Variants in HDAC11 observed in about 807,000 individuals in gnomAD.
HDAC11 encodes histone deacetylase 11.
A neutral mutation model predicts 41.1 loss-of-function variants in HDAC11; 23 were observed. The ratio of observed to expected loss-of-function variants is 0.56; its 90% CI spans 0.40 to 0.79. The LOEUF (loss-of-function observed/expected upper bound fraction) is 0.79. Among genes scored for constraint, HDAC11 ranks in the 30% least tolerant of loss-of-function variants. The pLI is 0.00. For synonymous variants in HDAC11, 187 were observed against 186.6 expected (o/e 1.00, Z -0.02); for missense variants, 402 against 477.3 (o/e 0.84, Z 1.47).
At chr3:13,484,405 G>A (rs991032371) in intron 3 of HDAC11, among the ~76,000 whole-genome samples, 1 of 152,250 alleles carries the variant, frequency 6.6e-6, no homozygotes, top group Non-Finnish European at 1.5e-5. Flanking sequence ...GCCGGTGGTA[G>A]AGTCTGAGGT....
In HDAC11 at chr3:13,505,293, T is replaced by TCTGGAGTTCCCC. The variant is rs1174054152; in HGVS notation, c.*611_*612insTGGAGTTCCCCC. On this transcript the variant is annotated 3_prime_UTR_variant, in exon 10 of 10. Coordinates refer to ENST00000295757, the MANE Select transcript of HDAC11 (RefSeq NM_024827.4). ...CAGGAAGGGGTACAGGTGGGTTCCC[T>TCTGGAGTTCCCC]CATCTGGAGTTCCCCCTCAATAAAG... The TCTGGAGTTCCCC allele has an allele frequency of 6.3e-6, 1 of 158,250 alleles. No individual in the cohort carries two copies. The highest frequency in any genetic ancestry group is 1.4e-5 in the Non-Finnish European group (1 of 71,498). 9.8% of individuals were successfully genotyped at this position (158,250 alleles called of 1,614,324 possible). A position where few individuals can be genotyped will look rare whatever the true frequency, so the allele number is the denominator to read the frequency against.
intron 5 of HDAC11, 32 bp from the exon 6 acceptor site, chr3:13,500,681 T>C: frequency 6.4e-7 from 1 of 1,552,500 alleles, no homozygotes; most frequent in Non-Finnish European, 8.7e-7. Context: ...GGAGCCTGGC[T>C]CTGAGCAGCA....
chr3:13,495,213 T>A (rs1702042484), intron 3 of HDAC11, among the ~76,000 whole-genome samples: 1 of 152,130 alleles, frequency 6.6e-6, no homozygotes, highest in Non-Finnish European at 1.5e-5. Flanking sequence ...AGGGAAGCCC[T>A]TGATCGTCCC....
In HDAC11 at chr3:13,504,512, C is replaced by T; in HGVS notation, c.873C>T (p.Gly291=). 1 of 1,613,464 alleles carries T rather than the reference C, an allele frequency of 6.2e-7. No individual in the cohort carries two copies. Among genetic ancestry groups the T allele is most frequent in the Non-Finnish European group, 8.5e-7 (1 of 1,180,018 alleles). ...AGCTGGTGTTCCGGATGGTCCGTGG[C>T]CGCCGGGTGCCCATCCTTATGGTGA... The part of the protein sequence containing the change: ...RDELVFRMVR[G]RRVPILMVTS... Residue 291 remains glycine (G), a synonymous_variant, in exon 10 of 10, where the codon GGC becomes GGT. Coordinates refer to ENST00000295757, the MANE Select transcript of HDAC11 (RefSeq NM_024827.4).
At chr3:13,484,216 G>A (rs1341701446) in intron 3 of HDAC11, among the ~76,000 whole-genome samples, 1 of 152,070 alleles carries the variant, frequency 6.6e-6, no homozygotes, top group Non-Finnish European at 1.5e-5. Flanking sequence ...TGCCCACCTC[G>A]GCCTCCCAAA....
In HDAC11 at chr3:13,491,909, G is replaced by A. The variant is rs537336547; in HGVS notation, c.253-4827G>A. ...CCAGCAAGTATCTGAAACACTGGAG[G>A]GCTTGTTCCAGCAGATGGCTGGGCC... On this transcript the variant is annotated intron_variant, in intron 3 of 9. Coordinates refer to ENST00000295757, the MANE Select transcript of HDAC11 (RefSeq NM_024827.4). Among the ~76,000 whole-genome samples the A allele has an allele frequency of 9.2e-5, 14 of 152,326 alleles. No homozygotes were observed. In the South Asian group the frequency reaches 2.9e-3, roughly 32 times the overall value.
intron 3 of HDAC11, among the ~76,000 whole-genome samples, chr3:13,489,601 C>T (rs1023490497): frequency 2.0e-5 from 3 of 152,208 alleles, no homozygotes; most frequent in African/African-American, 4.8e-5. Context: ...TGCATTCTTT[C>T]GACAGCCCAG....
intron 3 of HDAC11, 27 bp downstream of exon 3, chr3:13,483,591 G>C: frequency 6.4e-7 from 1 of 1,570,334 alleles, no homozygotes; most frequent in South Asian, 1.1e-5. Flanking sequence ...CTGGGGGGCT[G>C]CGGGCCTGGG....
Position 13,502,202 on chromosome 3 carries a change from G to A in HDAC11, c.552+269G>A, listed in dbSNP as rs1001640523. On this transcript the variant is annotated intron_variant, in intron 7 of 9. Coordinates refer to ENST00000295757, the MANE Select transcript of HDAC11 (RefSeq NM_024827.4). The surrounding 1 kb of genome is among the most constrained non-coding windows in gnomAD (Gnocchi z 4.1). ...AGCCCACTCTGATGGGACTGCTCTCGTGTGCAGAGCTCTGCTGTGGGTCCC... is the reference window on the plus strand; with the variant it reads ...AGCCCACTCTGATGGGACTGCTCTCATGTGCAGAGCTCTGCTGTGGGTCCC... The A allele has an allele frequency of 6.8e-5, 34 of 497,316 alleles. No homozygotes were observed. Among genetic ancestry groups the A allele is most frequent in the South Asian group, 1.7e-4 (6 of 35,448 alleles). The allele number at this position is 497,316 out of a possible 1,614,324, so 30.8% of individuals were successfully genotyped here.
At chr3:13,498,140 G>C (rs1392718044) in intron 4 of HDAC11, among the ~76,000 whole-genome samples, 1 of 152,202 alleles carries the variant, frequency 6.6e-6, no homozygotes, top group Non-Finnish European at 1.5e-5. Context: ...ACAGGCGTGA[G>C]CCACTGCGCC....
intron 3 of HDAC11, among the ~76,000 whole-genome samples, chr3:13,485,634 A>G (rs2597515): frequency 0.57 from 86,125 of 152,022 alleles, 25,782 homozygotes; most frequent in African/African-American, 0.78. Flanking sequence ...ATATAATAAT[A>G]CAAAATAGCT....
intron 1 of HDAC11, 117 bp from the exon 2 acceptor site, chr3:13,481,129 G>A (rs1574880597): frequency 9.0e-7 from 1 of 1,110,224 alleles, no homozygotes; most frequent in Non-Finnish European, 1.3e-6. Flanking sequence ...CTTGTCTGCG[G>A]CTGAGGGGCT....
intron 2 of HDAC11, among the ~76,000 whole-genome samples, chr3:13,483,056 C>T (rs1474825617): frequency 6.7e-6 from 1 of 150,298 alleles, no homozygotes; most frequent in Non-Finnish European, 1.5e-5. Flanking sequence ...TGGCCAAGAC[C>T]CTGTCTCTTT....
At chr3:13,494,132 G>A (rs947026269) in intron 3 of HDAC11, among the ~76,000 whole-genome samples, 1 of 152,220 alleles carries the variant, frequency 6.6e-6, no homozygotes, top group Non-Finnish European at 1.5e-5. Context: ...AGTGCTGTGC[G>A]AGACCCGTGG....
chr3:13,502,102 C>A lies in HDAC11; in HGVS notation c.552+169C>A. On this transcript the variant is annotated intron_variant, in intron 7 of 9. Transcript: ENST00000295757. This position sits in a 1 kb window ranked among gnomAD's most constrained non-coding sequence, Gnocchi z 4.1. ...TCTGTCTTTGTCACTCTGTCCAGGA[C>A]AGCGGGTCCTCCTCATTGCTCCCGA... 1.6e-6 allele frequency: 1 copy of A among 609,234 alleles called. No individual in the cohort carries two copies. The highest frequency in any genetic ancestry group is 2.9e-6 in the Non-Finnish European group (1 of 346,644). The allele number at this position is 609,234 out of a possible 1,614,324, so 37.7% of individuals were successfully genotyped here.
intron 2 of HDAC11, among the ~76,000 whole-genome samples, chr3:13,481,909 T>G (rs1701339028): frequency 6.6e-6 from 1 of 152,118 alleles, no homozygotes; most frequent in Non-Finnish European, 1.5e-5. Flanking sequence ...GTTCAAACAA[T>G]TTTTCTGCCT....
intron 3 of HDAC11, among the ~76,000 whole-genome samples, chr3:13,490,377 CA>C (rs1418480100): frequency 6.6e-6 from 1 of 151,728 alleles, no homozygotes; most frequent in Non-Finnish European, 1.5e-5. Flanking sequence ...CCATTTTTTG[CA>C]AAAAAGGCCA....
rs1213818660 is a variant in HDAC11, at chr3:13,502,763, C to T, written c.553-121C>T. ...CCTTAACAGTCATGAGACCTGCTGCCCCCGAGAGCAGGCCGTGCTGCCCTG... is the reference window on the plus strand; with the variant it reads ...CCTTAACAGTCATGAGACCTGCTGCTCCCGAGAGCAGGCCGTGCTGCCCTG... On this transcript the variant is annotated intron_variant, in intron 7 of 9. Transcript: ENST00000295757. The surrounding 1 kb of genome is among the most constrained non-coding windows in gnomAD (Gnocchi z 4.1). 5 of 699,036 alleles carry T rather than the reference C, an allele frequency of 7.2e-6. No homozygotes were observed. The Middle Eastern group carries it at 1.2e-3, about 171-fold the overall frequency. 43.3% of individuals were successfully genotyped at this position (699,036 alleles called of 1,614,324 possible).
intron 3 of HDAC11, among the ~76,000 whole-genome samples, chr3:13,486,102 T>C (rs1248281407): frequency 6.6e-6 from 1 of 151,862 alleles, no homozygotes; most frequent in East Asian, 1.9e-4. Flanking sequence ...ACCCTGTCTC[T>C]ACTAAAACTA....
Sources: gnomAD v4.1 joint callset for allele counts (sites outside exome capture counted in the v4.1 genomes callset) on GRCh38, gnomAD v4.1.1 for gene constraint, Gnocchi (gnomAD v3.1) non-coding constraint, MANE v1.5 for transcripts, NCBI Gene and HGNC (gene_info 2026-07-23, HGNC 2026-07-21) for gene names.